The following TP53BP1 variants were observed in gnomAD, a reference collection of about 807,000 sequenced individuals.
TP53BP1 encodes TP53-binding protein 1.
TP53BP1 carries 61 observed loss-of-function variants against 200.8 expected under a neutral mutation model. That is an observed-to-expected ratio of 0.30 (90% CI 0.25 to 0.38). The LOEUF is 0.38. Among genes scored for constraint, TP53BP1 ranks in the 10% least tolerant of loss-of-function variants. The probability of loss-of-function intolerance (pLI) is 1.00; values close to 1 mark genes in which losing one functional copy is unlikely to be tolerated. For synonymous variants in TP53BP1, 822 were observed against 844.3 expected, an observed-to-expected ratio of 0.97 and a Z score of 0.46; for missense variants, 2,144 against 2,371.9, an observed-to-expected ratio of 0.90 and a Z score of 2.00.
chr15:43,432,978 A>G (rs748714103), intron 16 of TP53BP1, among the ~76,000 whole-genome samples: 4 of 152,160 alleles, frequency 2.6e-5, no homozygotes, highest in Non-Finnish European at 4.4e-5. Flanking sequence ...ATGCAGGAAA[A>G]TGAAGTAAAC....
At chr15:43,462,413 C>T (rs1177778132) in intron 11 of TP53BP1, among the ~76,000 whole-genome samples, 2 of 151,908 alleles carry the variant, frequency 1.3e-5, no homozygotes, top group African/African-American at 4.8e-5. Flanking sequence ...CAATCTTCCC[C>T]GCTCATACTG....
At chr15:43,418,212 T>G (rs2045312606) in intron 21 of TP53BP1, among the ~76,000 whole-genome samples, 1 of 150,262 alleles carries the variant, frequency 6.7e-6, no homozygotes, top group African/African-American at 2.5e-5. Context: ...AAAATCCATT[T>G]TTTGGCTGGG....
intron 11 of TP53BP1, among the ~76,000 whole-genome samples, chr15:43,458,310 T>C (rs2046348654): frequency 6.6e-6 from 1 of 151,854 alleles, no homozygotes; most frequent in South Asian, 2.1e-4. Context: ...CGTGCACCTG[T>C]AGTCCCAGCT....
chr15:43,462,419 T>C (rs561887239), intron 11 of TP53BP1, among the ~76,000 whole-genome samples: 26 of 152,094 alleles, frequency 1.7e-4, no homozygotes, highest in African/African-American at 6.0e-4. Flanking sequence ...TCCCCGCTCA[T>C]ACTGCTCCCC....
At chr15:43,455,807 CTGACA>C in intron 12 of TP53BP1, 80 bp downstream of exon 12, 1 of 1,481,878 alleles carries the variant, frequency 6.7e-7, no homozygotes, top group Non-Finnish European at 9.2e-7. Flanking sequence ...GTGTTCACTC[CTGACA>C]TAAGCATGCA....
upstream of TP53BP1, among the ~76,000 whole-genome samples, chr15:43,494,649 C>T (rs578010808): frequency 6.6e-6 from 1 of 152,258 alleles, no homozygotes; most frequent in South Asian, 2.1e-4. Context: ...CTAAACAAAT[C>T]TAATACTTAA....
At chr15:43,446,619 A>G (rs2046048274) in intron 13 of TP53BP1, 29 bp from the exon 14 acceptor site, 1 of 1,601,406 alleles carries the variant, frequency 6.2e-7, no homozygotes, top group Non-Finnish European at 8.5e-7. Context: ...GGAGGAAGAA[A>G]AAAAGAACAC....
chr15:43,499,509 C>T (rs549756489), intron 1 of TP53BP1, among the ~76,000 whole-genome samples: 4 of 152,354 alleles, frequency 2.6e-5, no homozygotes, highest in Non-Finnish European at 5.9e-5. Context: ...CATTATTACA[C>T]TTTCCCATTC....
At chr15:43,438,452 T>C in intron 15 of TP53BP1, 36 bp from the exon 16 acceptor site, 1 of 1,542,000 alleles carries the variant, frequency 6.5e-7, no homozygotes, top group Non-Finnish European at 8.8e-7. Context: ...ATTGTTAACT[T>C]TGAAAAGAAA....
intron 11 of TP53BP1, among the ~76,000 whole-genome samples, chr15:43,462,939 C>A (rs1309393594): frequency 1.3e-5 from 2 of 152,124 alleles, no homozygotes; most frequent in African/African-American, 4.8e-5. Context: ...CACTTTTTGT[C>A]CCAGTTACTT....
At chr15:43,446,755 A>G (rs918063551) in intron 13 of TP53BP1, 165 bp from the exon 14 acceptor site, 1 of 1,511,022 alleles carries the variant, frequency 6.6e-7, no homozygotes, top group African/African-American at 1.4e-5. Context: ...ACTACGAACT[A>G]GTATTGACAC....
rs946621085 is a variant in TP53BP1 at position 43,491,674 on chromosome 15, T to C, written c.366A>G (p.Thr122=). The change falls in exon 4 of 28, where the codon ACA becomes ACG. Residue 122 remains threonine (T), a synonymous_variant. Coordinates refer to ENST00000382044, the MANE Select transcript of TP53BP1 (RefSeq NM_001141980.3). ...VIEQLPQPNR[T]SSVLGMSVES... is the part of the protein sequence containing the mutation. ...CCCCTTCAAACACTGTATACCTGCT[T>C]GTCCTGTTTGGCTGAGGTAACTGCT... 1.2e-5 allele frequency: 19 copies of C among 1,612,226 alleles called. No individual in the cohort carries two copies. Among genetic ancestry groups the C allele is most frequent in the Non-Finnish European group, 1.6e-5 (19 of 1,178,378 alleles).
chr15:43,418,335 G>A (rs991211490), intron 21 of TP53BP1, among the ~76,000 whole-genome samples: 1 of 148,758 alleles, frequency 6.7e-6, no homozygotes, highest in Non-Finnish European at 1.5e-5. Flanking sequence ...CCATCTCTAC[G>A]AAAAACACAA....
intron 12 of TP53BP1, among the ~76,000 whole-genome samples, chr15:43,454,088 C>T (rs1157676952): frequency 1.3e-5 from 2 of 151,478 alleles, no homozygotes; most frequent in Admixed American, 1.3e-4. Context: ...ACCTGTAGTC[C>T]CAGCTACTCG....
chr15:43,460,057 T>C (rs756340944), intron 11 of TP53BP1, among the ~76,000 whole-genome samples: 2 of 152,218 alleles, frequency 1.3e-5, no homozygotes, highest in Non-Finnish European at 2.9e-5. Context: ...CACAGCTGTA[T>C]ACATTTGCCA....
intron 4 of TP53BP1, among the ~76,000 whole-genome samples, chr15:43,490,399 T>A (rs879691664): frequency 2.6e-5 from 4 of 151,808 alleles, no homozygotes; most frequent in African/African-American, 7.3e-5. Context: ...TTTTTTTTTT[T>A]CTTTTGTAGA....
chr15:43,457,965 G>C (rs1471544101), intron 11 of TP53BP1, among the ~76,000 whole-genome samples: 1 of 151,968 alleles, frequency 6.6e-6, no homozygotes, highest in African/African-American at 2.4e-5. Context: ...GTTGCAGTGA[G>C]CCAAGATCGT....
intron 24 of TP53BP1, among the ~76,000 whole-genome samples, chr15:43,411,021 A>C (rs973447305): frequency 6.6e-6 from 1 of 152,136 alleles, no homozygotes; most frequent in African/African-American, 2.4e-5. Flanking sequence ...AGCATGTCAC[A>C]ATCTTCAGCA....
chr15:43,432,400 T>C lies in TP53BP1; in HGVS notation c.3469A>G (p.Ile1157Val), dbSNP rs147623741. 14 of 1,614,052 alleles carry C rather than the reference T, an allele frequency of 8.7e-6. No homozygotes were observed. Among genetic ancestry groups the C allele is most frequent in the Non-Finnish European group, 1.1e-5 (13 of 1,180,024 alleles). ...ALIERPSQNN[I>V]GIQTMECSLR... ...GAACACTCCATGGTTTGGATTCCTA[T>C]GTTATTTTGGCTGGGCCTTTCAATC... The change falls in exon 17 of 28, where the codon ATA (isoleucine) becomes GTA (valine). Residue 1157 changes from isoleucine (I) to valine (V), a missense_variant. Coordinates refer to ENST00000382044, the MANE Select transcript of TP53BP1 (RefSeq NM_001141980.3).
Sources: gnomAD v4.1 joint callset for allele counts (sites outside exome capture counted in the v4.1 genomes callset) on GRCh38, gnomAD v4.1.1 for gene constraint, MANE v1.5 for transcripts, NCBI Gene and HGNC (gene_info 2026-07-23, HGNC 2026-07-21) for gene names.